The following SLC25A12 variants were observed in gnomAD, a reference collection of about 807,000 sequenced individuals.
SLC25A12 encodes the protein solute carrier family 25 member 12, also known as electrogenic aspartate/glutamate antiporter SLC25A12, mitochondrial.
In SLC25A12, 32 loss-of-function variants were observed where a neutral mutation model predicts 83.3. That is an observed-to-expected ratio of 0.38 (90% CI 0.29 to 0.52). The LOEUF (loss-of-function observed/expected upper bound fraction) is 0.52, where lower values mean the gene tolerates loss of function less well. SLC25A12 is among the 20% of genes least tolerant of loss of function. The pLI is 0.84. For synonymous variants in SLC25A12, 267 were observed against 291.1 expected, an observed-to-expected ratio of 0.92 and a Z score of 0.84; for missense variants, 611 against 835.6, an observed-to-expected ratio of 0.73 and a Z score of 3.31.
In SLC25A12 at chr2:171,785,295, T is replaced by G. The variant is rs559261229; in HGVS notation, c.2016A>C (p.Ala672=). The change falls in exon 18 of 18, where the codon GCA becomes GCC. Residue 672 remains alanine (A), a synonymous_variant. Transcript: ENST00000422440. ...SPSVAVVQPK[A]AVAATQ Reference sequence around the variant, plus strand: ...CTCATCACTGAGTGGCTGCCACTGCTGCCTTTGGCTGAACCACAGCAACAC... The same window carrying G: ...CTCATCACTGAGTGGCTGCCACTGCGGCCTTTGGCTGAACCACAGCAACAC... 6.2e-7 allele frequency: 1 copy of G among 1,614,200 alleles called. No homozygotes were observed. The highest frequency in any genetic ancestry group is 8.5e-7 in the Non-Finnish European group (1 of 1,180,026).
In SLC25A12 at chr2:171,785,380, G is replaced by A. The variant is rs769103731; in HGVS notation, c.1931C>T (p.Ala644Val). The change falls in exon 18 of 18, where the codon GCC becomes GTC. Residue 644 changes from alanine to valine, a missense_variant. Ala to Val is a moderately conservative substitution (Grantham distance 64). Transcript: ENST00000422440. ...DHIGGYRLAT[A>V]TFAGIENKFG... ...TTTGTTTTCGATGCCTGCAAACGTG[G>A]CTGTGGCGAGTCTGTATCCACCGAT... 6.2e-7 allele frequency: 1 copy of A among 1,614,220 alleles called. No homozygotes were observed. The highest frequency in any genetic ancestry group is 1.7e-5 in the Admixed American group (1 of 60,020).
chr2:171,864,407 T>G (rs141023118), intron 3 of SLC25A12, among the ~76,000 whole-genome samples: 1 of 152,300 alleles, frequency 6.6e-6, no homozygotes, highest in Non-Finnish European at 1.5e-5. Context: ...AAACTGACAC[T>G]CTAGCAAGAT....
chr2:171,800,449 AC>A (rs1213992546), intron 13 of SLC25A12, among the ~76,000 whole-genome samples: 1 of 152,196 alleles, frequency 6.6e-6, no homozygotes, highest in African/African-American at 2.4e-5. Flanking sequence ...TCACATACCT[AC>A]AATGATTACT....
chr2:171,869,253 G>A (rs1379359862), intron 2 of SLC25A12, among the ~76,000 whole-genome samples: 2 of 152,216 alleles, frequency 1.3e-5, no homozygotes, highest in African/African-American at 2.4e-5. Context: ...GAATTAGATA[G>A]TGGTAACATC....
intron 9 of SLC25A12, among the ~76,000 whole-genome samples, chr2:171,825,715 C>T (rs1333762907): frequency 6.6e-6 from 1 of 152,184 alleles, no homozygotes; most frequent in Non-Finnish European, 1.5e-5. Flanking sequence ...ACCAGGAGGA[C>T]AATGACTGGC....
intron 3 of SLC25A12, among the ~76,000 whole-genome samples, chr2:171,862,019 A>G (rs1685174845): frequency 6.6e-6 from 1 of 152,170 alleles, no homozygotes; most frequent in Non-Finnish European, 1.5e-5. Flanking sequence ...CCCCTTTTTA[A>G]TTTAGTAAAT....
At chr2:171,824,295 A>G (rs940888565) in intron 9 of SLC25A12, among the ~76,000 whole-genome samples, 1 of 152,228 alleles carries the variant, frequency 6.6e-6, no homozygotes, top group Admixed American at 6.5e-5. Flanking sequence ...TTTCCTAAGG[A>G]TGAAGAAATG....
intron 2 of SLC25A12, among the ~76,000 whole-genome samples, chr2:171,886,572 C>G (rs774656331): frequency 6.6e-6 from 1 of 151,170 alleles, no homozygotes; most frequent in South Asian, 2.1e-4. Flanking sequence ...TGCAGTGGCG[C>G]GATCTCGGCT....
intron 13 of SLC25A12, 102 bp from the exon 14 acceptor site, chr2:171,793,869 AAAG>A (rs1268497614): frequency 1.1e-5 from 15 of 1,392,360 alleles, no homozygotes; most frequent in Non-Finnish European, 1.4e-5. Context: ...GCTATCTTGA[AAAG>A]AAGGAGGTGA....
chr2:171,856,771 T>A (rs1685055644), intron 3 of SLC25A12: 1 of 152,158 alleles, frequency 6.6e-6, no homozygotes, highest in Non-Finnish European at 1.5e-5. Flanking sequence ...AAAAAAGTTT[T>A]TTAATTTACA....
chr2:171,882,209 C>T (rs141357415), intron 2 of SLC25A12, among the ~76,000 whole-genome samples: 1 of 152,120 alleles, frequency 6.6e-6, no homozygotes. Context: ...TTCCTTCCCC[C>T]CTTCTGGTAA....
At chr2:171,890,189 T>C (rs1453403581) in intron 2 of SLC25A12, among the ~76,000 whole-genome samples, 5 of 152,236 alleles carry the variant, frequency 3.3e-5, no homozygotes, top group Non-Finnish European at 5.9e-5. Flanking sequence ...CAGTATTGTA[T>C]TGAATAAAAG....
rs947115122 is a variant in SLC25A12 at position 171,816,918 on chromosome 2, A to G, written c.931-1716T>C. ...TCATGTGTTGAGACCCTACTGCCCA[A>G]TGTGATTGTATGTGATGTGAAGGTG... On this transcript the variant is annotated intron_variant, in intron 9 of 17. Coordinates refer to ENST00000422440, the MANE Select transcript of SLC25A12 (RefSeq NM_003705.5). Among the ~76,000 whole-genome samples the G allele has an allele frequency of 7.2e-5, 11 of 152,140 alleles. No individual in the cohort carries two copies. The East Asian group carries it at 1.2e-3, about 16-fold the overall frequency.
intron 4 of SLC25A12, among the ~76,000 whole-genome samples, chr2:171,851,899 A>T (rs1046813573): frequency 3.3e-5 from 5 of 152,320 alleles, no homozygotes; most frequent in Admixed American, 3.3e-4. Context: ...ATAACTGCTT[A>T]TCTAGGTTAC....
intron 5 of SLC25A12, among the ~76,000 whole-genome samples, chr2:171,838,119 G>A (rs1554259): frequency 0.27 from 40,480 of 151,996 alleles, 6,127 homozygotes; most frequent in Middle Eastern, 0.37. Flanking sequence ...GGATGCCACC[G>A]TCACACTCTT....
chr2:171,851,180 T>C (rs1684919804), intron 4 of SLC25A12, among the ~76,000 whole-genome samples: 1 of 151,978 alleles, frequency 6.6e-6, no homozygotes, highest in African/African-American at 2.4e-5. Context: ...CAACAGTTTG[T>C]TGTGGTTTTT....
intron 14 of SLC25A12, among the ~76,000 whole-genome samples, chr2:171,792,464 C>T (rs9808259): frequency 0.31 from 44,932 of 144,690 alleles, 7,211 homozygotes; most frequent in African/African-American, 0.43. Flanking sequence ...TTTTTTCTTT[C>T]TTTTTTTTTT....
Position 171,837,969 on chromosome 2 carries a change from G to GTGA in SLC25A12, c.466-705_466-703dup, listed in dbSNP as rs552366505. Among the ~76,000 whole-genome samples the GTGA allele has an allele frequency of 5.8e-4, 89 of 152,250 alleles. 1 individual carries two copies. The East Asian group carries it at 0.011, about 19-fold the overall frequency. The stretch of plus-strand genomic sequence containing the variant: ...ATTGGGCAACCAAACTTTGTAATAA[G>GTGA]TGATATCCACAAAAACAACAAAATG... On this transcript the variant is annotated intron_variant, in intron 5 of 17. Coordinates refer to ENST00000422440, the MANE Select transcript of SLC25A12 (RefSeq NM_003705.5).
At chr2:171,860,641 A>C (rs779403681) in intron 3 of SLC25A12, among the ~76,000 whole-genome samples, 19 of 152,080 alleles carry the variant, frequency 1.2e-4, no homozygotes, top group Non-Finnish European at 2.2e-4. Flanking sequence ...AAAACAAAAA[A>C]CACTAGTAAA....
Sources: gnomAD v4.1 joint callset for allele counts (sites outside exome capture counted in the v4.1 genomes callset) on GRCh38, gnomAD v4.1.1 for gene constraint, MANE v1.5 for transcripts, NCBI Gene and HGNC (gene_info 2026-07-23, HGNC 2026-07-21) for gene names.